The following SMAD7 variants were observed in gnomAD, a reference collection of about 807,000 sequenced individuals.
The protein encoded by SMAD7 is MAD (mothers against decapentaplegic, Drosophila) homolog 7.
SMAD7 carries 8 observed loss-of-function variants against 38.7 expected under a neutral mutation model. The observed-to-expected ratio is 0.21, with a 90% CI of 0.12 to 0.37. The LOEUF is 0.37. Ranked by LOEUF, SMAD7 falls within the 10% of genes least tolerant of loss-of-function variation. The probability of loss-of-function intolerance (pLI) is 1.00; values close to 1 mark genes in which losing one functional copy is unlikely to be tolerated. For synonymous variants in SMAD7, 327 were observed against 265.1 expected, an observed-to-expected ratio of 1.23 and a Z score of -2.27; for missense variants, 477 against 577.9, an observed-to-expected ratio of 0.83 and a Z score of 1.79.
At chr18:48,944,905 A>G (rs1284456409) in intron 2 of SMAD7, among the ~76,000 whole-genome samples, 1 of 152,346 alleles carries the variant, frequency 6.6e-6, no homozygotes, top group Non-Finnish European at 1.5e-5. Context: ...CTGCGAGAGA[A>G]AAAGACTCAT....
intron 3 of SMAD7, among the ~76,000 whole-genome samples, chr18:48,935,181 C>T (rs1012831409): frequency 6.6e-6 from 1 of 152,128 alleles, no homozygotes; most frequent in African/African-American, 2.4e-5. Context: ...TGGGGGGCAG[C>T]CGAGTCCCCC....
At chr18:48,945,254 A>G (rs1480368456) in intron 2 of SMAD7, among the ~76,000 whole-genome samples, 1 of 152,168 alleles carries the variant, frequency 6.6e-6, no homozygotes, top group African/African-American at 2.4e-5. Context: ...CGAGGTCAGG[A>G]GATCGAGACC....
At chr18:48,928,209 G>A (rs1218072485) in intron 3 of SMAD7, among the ~76,000 whole-genome samples, 1 of 152,162 alleles carries the variant, frequency 6.6e-6, no homozygotes, top group Non-Finnish European at 1.5e-5. Flanking sequence ...TAATGTAAAG[G>A]GGACAAGGGA....
In SMAD7 at chr18:48,948,404, A is replaced by G. The variant is rs749797833; in HGVS notation, c.647T>C (p.Met216Thr). Residue 216 changes from methionine (M) to threonine (T), a missense_variant, in exon 2 of 4, where the codon ATG becomes ACG. Physicochemically the swap from Met to Thr is moderately conservative, Grantham distance 81. Around this residue, in one of 2 missense-constraint regions of SMAD7, gnomAD observed 376 missense variants for 379.4 expected, o/e 0.99. Coordinates refer to ENST00000262158, the MANE Select transcript of SMAD7 (RefSeq NM_005904.4). ...SPPPPYSRYP[M>T]DFLKPTADCP... is the part of the protein sequence containing the mutation. ...CTCACCAGTTGGTTTGAGAAAATCC[A>G]TCGGGTATCTGGAGTAAGGAGGGGG... 3 of 1,603,176 alleles carry G rather than the reference A, an allele frequency of 1.9e-6. No homozygotes were observed. The South Asian group carries it at 3.4e-5, about 18-fold the overall frequency.
intron 3 of SMAD7, among the ~76,000 whole-genome samples, chr18:48,934,345 G>A (rs1353223602): frequency 6.6e-6 from 1 of 152,102 alleles, no homozygotes; most frequent in Non-Finnish European, 1.5e-5. Context: ...CACGAAGGCA[G>A]CCCTGAGTTC....
chr18:48,939,593 C>A (rs879797986), intron 3 of SMAD7, among the ~76,000 whole-genome samples: 18 of 148,506 alleles, frequency 1.2e-4, no homozygotes, highest in Non-Finnish European at 2.4e-4. Flanking sequence ...ACCACATTTT[C>A]ACATTCGGCT....
intron 2 of SMAD7, among the ~76,000 whole-genome samples, chr18:48,947,892 A>ACCCCC (rs71165356): frequency 1.8e-5 from 2 of 113,196 alleles, no homozygotes; most frequent in Admixed American, 9.5e-5. Flanking sequence ...GGAGGAACCT[A>ACCCCC]CCCCCCCCCC....
intron 2 of SMAD7, among the ~76,000 whole-genome samples, chr18:48,945,459 G>A (rs139597595): frequency 5.9e-5 from 9 of 151,280 alleles, no homozygotes; most frequent in East Asian, 5.8e-4. Flanking sequence ...AGACTGTCTC[G>A]GAAAAAAAAA....
In SMAD7 at chr18:48,950,575, C is replaced by T; in HGVS notation, c.-151G>A. On this transcript the variant is annotated 5_prime_UTR_variant, in exon 1 of 4. Transcript: ENST00000262158. The stretch of plus-strand genomic sequence containing the variant: ...GGCCCGGGCAGGAGCGGCGGCGGCC[C>T]GAGGGGCGCTCCGTGGCATGCGCCA... 1 of 629,342 alleles carries T rather than the reference C, an allele frequency of 1.6e-6. No individual in the cohort carries two copies. The highest frequency in any genetic ancestry group is 3.6e-5 in the East Asian group (1 of 27,582). The allele number at this position is 629,342 out of a possible 1,614,324, so 39.0% of individuals were successfully genotyped here.
In SMAD7 at chr18:48,921,296, CAGGAGGAAAATA is replaced by C. The variant is rs2069855815; in HGVS notation, c.*64_*75del. 29 of 1,335,502 alleles carry C rather than the reference CAGGAGGAAAATA, an allele frequency of 2.2e-5. No individual in the cohort carries two copies. Among genetic ancestry groups the C allele is most frequent in the Non-Finnish European group, 3.0e-5 (29 of 981,516 alleles). The allele number at this position is 1,335,502 out of a possible 1,614,324, so 82.7% of individuals were successfully genotyped here. On this transcript the variant is annotated 3_prime_UTR_variant, in exon 4 of 4. Transcript: ENST00000262158. The surrounding 1 kb of genome is among the most constrained non-coding windows in gnomAD (Gnocchi z 6.4). Reference sequence around the variant, plus strand: ...AGAGTTTGCATGAAAAGCAAGCACTCAGGAGGAAAATATTAGCAGCAAAGTAGTTTGAAGTGT... The same window carrying C: ...AGAGTTTGCATGAAAAGCAAGCACTCTTAGCAGCAAAGTAGTTTGAAGTGT...
rs1365778097 is a variant in SMAD7, at chr18:48,950,919, C to T, written c.-495G>A. 6.6e-6 allele frequency among the ~76,000 whole-genome samples: 1 copy of T among 151,576 alleles called. No individual in the cohort carries two copies. Among genetic ancestry groups the T allele is most frequent in the African/African-American group, 2.4e-5 (1 of 41,310 alleles). Reference sequence around the variant, plus strand: ...GTTGGAAGAAGGAAAAAGCCTCTTTCCCCCTTGCTAAGCAACTTAATTTGG... The same window carrying T: ...GTTGGAAGAAGGAAAAAGCCTCTTTTCCCCTTGCTAAGCAACTTAATTTGG... On this transcript the variant is annotated 5_prime_UTR_variant, in exon 1 of 4. Transcript: ENST00000262158.
chr18:48,936,956 CTG>C (rs2070074577), intron 3 of SMAD7, among the ~76,000 whole-genome samples: 1 of 152,026 alleles, frequency 6.6e-6, no homozygotes, highest in Non-Finnish European at 1.5e-5. Context: ...TGGTGCACGC[CTG>C]CAATCCAACT....
intron 3 of SMAD7, among the ~76,000 whole-genome samples, chr18:48,931,182 G>A (rs1019347256): frequency 4.6e-5 from 7 of 152,192 alleles, no homozygotes; most frequent in African/African-American, 1.7e-4. Flanking sequence ...GGAAGTTAGT[G>A]TTTCATGGGA....
intron 3 of SMAD7, among the ~76,000 whole-genome samples, chr18:48,938,593 G>A (rs2070098381): frequency 1.3e-5 from 2 of 152,300 alleles, no homozygotes; most frequent in East Asian, 3.9e-4. Flanking sequence ...GAGGAGGCTA[G>A]AAGATGAGTC....
chr18:48,950,615 G>T lies in SMAD7; in HGVS notation c.-191C>A. The T allele has an allele frequency of 3.2e-6, 1 of 316,088 alleles. No homozygotes were observed. The highest frequency in any genetic ancestry group is 1.4e-4 in the South Asian group (1 of 7,314). 19.6% of individuals were successfully genotyped at this position (316,088 alleles called of 1,614,324 possible). ...GGCATGCGCCAGTCTCCCGGAGGCC[G>T]GGGCGCGCGCGGGGGCCCGGGGGCG... On this transcript the variant is annotated 5_prime_UTR_variant, in exon 1 of 4. Transcript: ENST00000262158.
intron 2 of SMAD7, among the ~76,000 whole-genome samples, chr18:48,943,400 C>T (rs115917929): frequency 1.8e-3 from 267 of 152,352 alleles, no homozygotes; most frequent in African/African-American, 6.3e-3. Context: ...GTACTCTGCA[C>T]AGTGACCTCA....
chr18:48,921,316 CAA>C lies in SMAD7; in HGVS notation c.*54_*55del. On this transcript the variant is annotated 3_prime_UTR_variant, in exon 4 of 4. Transcript: ENST00000262158. The surrounding 1 kb of genome is among the most constrained non-coding windows in gnomAD (Gnocchi z 6.4). ...GCACTCAGGAGGAAAATATTAGCAG[CAA>C]AGTAGTTTGAAGTGTGGCCTGCTCA... 1 of 1,461,004 alleles carries C rather than the reference CAA, an allele frequency of 6.8e-7. No homozygotes were observed. Among genetic ancestry groups the C allele is most frequent in the Non-Finnish European group, 9.3e-7 (1 of 1,079,608 alleles). 90.5% of individuals were successfully genotyped at this position (1,461,004 alleles called of 1,614,324 possible). A position where few individuals can be genotyped will look rare whatever the true frequency, so the allele number is the denominator to read the frequency against.
intron 3 of SMAD7, among the ~76,000 whole-genome samples, chr18:48,936,852 G>T (rs1339876693): frequency 6.6e-6 from 1 of 152,170 alleles, no homozygotes; most frequent in East Asian, 1.9e-4. Context: ...GGCCAAGGCG[G>T]GCGGATCACC....
intron 2 of SMAD7, among the ~76,000 whole-genome samples, chr18:48,944,892 G>A (rs1248736462): frequency 6.6e-6 from 1 of 152,210 alleles, no homozygotes; most frequent in Non-Finnish European, 1.5e-5. Flanking sequence ...TAAGCACTAG[G>A]TTCTGCGAGA....
Sources: gnomAD v4.1 joint callset for allele counts (sites outside exome capture counted in the v4.1 genomes callset) on GRCh38, gnomAD v4.1.1 for gene constraint, gnomAD v4.1.1 regional missense constraint, Gnocchi (gnomAD v3.1) non-coding constraint, MANE v1.5 for transcripts, NCBI Gene and HGNC (gene_info 2026-07-23, HGNC 2026-07-21) for gene names.